ZNF536: variants seen among roughly 807,000 people sequenced by gnomAD.
ZNF536 encodes zinc finger protein 536.
A neutral mutation model predicts 84.5 loss-of-function variants in ZNF536; 13 were observed. The observed-to-expected ratio is 0.15, with a 90% confidence interval of 0.10 to 0.24. ZNF536 has a LOEUF of 0.24. ZNF536 is among the 10% of genes least tolerant of loss of function. The pLI, the probability that ZNF536 is intolerant of heterozygous loss-of-function variation, is 1.00. For synonymous variants in ZNF536, 811 were observed against 742.5 expected (o/e 1.09, Z -1.50); for missense variants, 1,536 against 1,747.5 (o/e 0.88, Z 2.16).
At position 30,445,972 on chromosome 19, in the gene ZNF536, G is replaced by A. The variant is rs973494219; in HGVS notation, c.2170+240G>A. 6.6e-6 allele frequency among the ~76,000 whole-genome samples: 1 copy of A among 152,144 alleles called. No homozygotes were observed. The highest frequency in any genetic ancestry group is 2.4e-5 in the African/African-American group (1 of 41,432). ...TACCAAGAAAGTAAGTTGAGGCCGG[G>A]TGTGGTGGCTCACGCCTGTAATCCC... On this transcript the variant is annotated intron_variant, in intron 2 of 4. Transcript: ENST00000355537. The surrounding 1 kb of genome is among the most constrained non-coding windows in gnomAD (Gnocchi z 4.5).
chr19:30,677,566 G>T (rs767966843), intron 1 of ZNF536, among the ~76,000 whole-genome samples: 15 of 152,224 alleles, frequency 9.9e-5, no homozygotes, highest in Non-Finnish European at 1.8e-4. Context: ...AGAGCAAAAT[G>T]TCCCCCGGGG....
At chr19:30,268,082 C>T (rs545261717) in intron 1 of ZNF536, among the ~76,000 whole-genome samples, 1 of 100,138 alleles carries the variant, frequency 1.0e-5, no homozygotes, top group South Asian at 3.8e-4. Context: ...CCTTCCCTCC[C>T]CCCCAGATAT....
intron 1 of ZNF536, among the ~76,000 whole-genome samples, chr19:30,245,540 T>C (rs1162923577): frequency 6.6e-6 from 1 of 152,218 alleles, no homozygotes; most frequent in Non-Finnish European, 1.5e-5. Context: ...CAATGACATG[T>C]CATGAAACAG....
chr19:30,347,915 C>A (rs1600323570), intron 2 of ZNF536, among the ~76,000 whole-genome samples: 1 of 152,174 alleles, frequency 6.6e-6, no homozygotes, highest in Non-Finnish European at 1.5e-5. Context: ...AGCAAACAGG[C>A]AGGGGCCCTA....
chr19:30,377,107 G>A (rs1036255151), intron 1 of ZNF536, among the ~76,000 whole-genome samples: 2 of 152,176 alleles, frequency 1.3e-5, no homozygotes, highest in Non-Finnish European at 2.9e-5. Context: ...GCCTGACACT[G>A]GGGCAAAGAT....
At chr19:30,549,628 G>GAAAAAACC (rs913525917) in intron 4 of ZNF536, 114 bp downstream of exon 4, 11 of 1,246,754 alleles carry the variant, frequency 8.8e-6, no homozygotes, top group Non-Finnish European at 1.2e-5. Context: ...TGAAATATTT[G>GAAAAAACC]AAAAAACCCT....
intron 2 of ZNF536, among the ~76,000 whole-genome samples, chr19:30,497,794 T>G (rs181830299): frequency 9.9e-5 from 15 of 152,280 alleles, no homozygotes; most frequent in African/African-American, 3.1e-4. Context: ...GTGGGGTGTG[T>G]GTGTGTGTAC....
chr19:30,512,619 G>GAA (rs749461176), intron 2 of ZNF536, among the ~76,000 whole-genome samples: 4 of 137,980 alleles, frequency 2.9e-5, no homozygotes, highest in African/African-American at 7.9e-5. Context: ...AAACCATTTT[G>GAA]AAAAAAAAAA....
chr19:30,635,096 G>T (rs751421519), intron 1 of ZNF536, among the ~76,000 whole-genome samples: 3 of 151,864 alleles, frequency 2.0e-5, no homozygotes, highest in Non-Finnish European at 4.4e-5. Context: ...GTGTGTATGC[G>T]CGTGCCCCAC....
chr19:30,675,600 ACAGCTGCATGCCTTGAAATCT>A (rs2050725475), intron 1 of ZNF536, among the ~76,000 whole-genome samples: 1 of 152,216 alleles, frequency 6.6e-6, no homozygotes, highest in African/African-American at 2.4e-5. Flanking sequence ...GGGAAGGCTC[ACAGCTGCATGCCTTGAAATCT>A]CATCTTGAGA....
chr19:30,649,092 T>A (rs2049594926), intron 1 of ZNF536, among the ~76,000 whole-genome samples: 1 of 152,204 alleles, frequency 6.6e-6, no homozygotes, highest in Admixed American at 6.5e-5. Context: ...GCCACCTCAC[T>A]GTATGCCCGA....
chr19:30,535,910 C>T (rs770528888), intron 3 of ZNF536, among the ~76,000 whole-genome samples: 3 of 152,068 alleles, frequency 2.0e-5, no homozygotes, highest in African/African-American at 4.8e-5. Context: ...ATTGAGTGCA[C>T]GCGGGCTGCA....
intron 2 of ZNF536, among the ~76,000 whole-genome samples, chr19:30,287,154 T>C (rs2045657259): frequency 6.7e-6 from 1 of 149,632 alleles, no homozygotes; most frequent in Admixed American, 6.9e-5. Context: ...TGATGCACAA[T>C]AGCTTCTCAA....
chr19:30,630,937 C>T (rs2048864892), intron 1 of ZNF536, among the ~76,000 whole-genome samples: 2 of 152,196 alleles, frequency 1.3e-5, no homozygotes, highest in African/African-American at 2.4e-5. Context: ...AGAAGAAATC[C>T]TAAAAAATTC....
At chr19:30,707,050 C>T (rs901145393) in intron 1 of ZNF536, among the ~76,000 whole-genome samples, 7 of 152,124 alleles carry the variant, frequency 4.6e-5, no homozygotes, top group South Asian at 2.1e-4. Flanking sequence ...CAGAGTAGCT[C>T]GAACTCTCTC....
rs879683203 is a variant in ZNF536 at position 30,271,294 on chromosome 19, C to CTTTTTTTTTTTTTT, written c.-189-12774_-189-12773insTTTTTTTTTTTTTT. On this transcript the variant is annotated intron_variant, in intron 1 of 5. Transcript: ENST00000585628. ...CTGGAAGCTTTCCCTGTGTTTTTTT[C>CTTTTTTTTTTTTTT]TTTTCTTTTTTTTTTTTTTTTTTTT... Among the ~76,000 whole-genome samples the CTTTTTTTTTTTTTT allele has an allele frequency of 6.1e-4, 63 of 103,144 alleles. 1 individual carries two copies. The highest frequency in any genetic ancestry group is 2.4e-3 in the East Asian group (8 of 3,396). The allele number at this position is 103,144 out of a possible 152,430, so 67.7% of individuals were successfully genotyped here.
At chr19:30,662,994 A>G (rs1423658097) in intron 1 of ZNF536, among the ~76,000 whole-genome samples, 2 of 101,548 alleles carry the variant, frequency 2.0e-5, no homozygotes, top group Non-Finnish European at 3.8e-5. Context: ...TTTAAGAAAT[A>G]GTTTCCCCTT....
intron 2 of ZNF536, among the ~76,000 whole-genome samples, chr19:30,288,392 G>A (rs1226168709): frequency 6.6e-6 from 1 of 152,186 alleles, no homozygotes; most frequent in Non-Finnish European, 1.5e-5. Flanking sequence ...GTCTTGAGGG[G>A]ATAGGCTGAG....
chr19:30,701,354 CACACAAACACAAAT>C (rs2051955657), intron 1 of ZNF536, among the ~76,000 whole-genome samples: 3 of 151,686 alleles, frequency 2.0e-5, no homozygotes, highest in Admixed American at 6.6e-5. Context: ...CACACAGACA[CACACAAACACAAAT>C]ACACAAACAC....
Sources: gnomAD v4.1 joint callset for allele counts (sites outside exome capture counted in the v4.1 genomes callset) on GRCh38, gnomAD v4.1.1 for gene constraint, Gnocchi (gnomAD v3.1) non-coding constraint, MANE v1.5 for transcripts, NCBI Gene and HGNC (gene_info 2026-07-23, HGNC 2026-07-21) for gene names.